GATB: variants seen among roughly 807,000 people sequenced by gnomAD.
GATB encodes the protein glutamyl-tRNA amidotransferase subunit B, also known as glutamyl-tRNA(Gln) amidotransferase subunit B, mitochondrial.
In GATB, 39 loss-of-function variants were observed where a neutral mutation model predicts 62.3. The ratio of observed to expected loss-of-function variants is 0.63; its 90% CI spans 0.48 to 0.82. The LOEUF (loss-of-function observed/expected upper bound fraction) is 0.82, where lower values mean the gene tolerates loss of function less well. GATB is among the 40% of genes least tolerant of loss of function. GATB has a pLI of 0.00. For missense variants in GATB, 670 were observed against 684.0 expected, an observed-to-expected ratio of 0.98 and a Z score of 0.23; for synonymous variants, 276 against 258.9, an observed-to-expected ratio of 1.07 and a Z score of -0.63.
intron 9 of GATB, among the ~76,000 whole-genome samples, chr4:151,689,139 A>T (rs1738312357): frequency 6.6e-6 from 1 of 152,192 alleles, no homozygotes; most frequent in Non-Finnish European, 1.5e-5. Context: ...GCCTGACTTT[A>T]ATGCCCCTGT....
chr4:151,711,807 T>C (rs1261628741), intron 5 of GATB, among the ~76,000 whole-genome samples: 1 of 152,186 alleles, frequency 6.6e-6, no homozygotes, highest in African/African-American at 2.4e-5. Flanking sequence ...ATAAATGAAA[T>C]CTTATTGAGC....
intron 2 of GATB, chr4:151,720,197 GA>G (rs1739000250): frequency 6.6e-6 from 1 of 152,240 alleles, no homozygotes; most frequent in Non-Finnish European, 1.5e-5. Flanking sequence ...CCACTTACAG[GA>G]GTGAATGACC....
intron 10 of GATB, among the ~76,000 whole-genome samples, chr4:151,684,661 T>C (rs527635734): frequency 9.2e-5 from 14 of 152,350 alleles, no homozygotes; most frequent in African/African-American, 3.4e-4. Flanking sequence ...TTCTTTGAAC[T>C]GTGTAGGAAA....
intron 2 of GATB, among the ~76,000 whole-genome samples, chr4:151,738,804 G>A (rs114869969): frequency 0.013 from 1,926 of 152,260 alleles, 38 homozygotes; most frequent in African/African-American, 0.044. Flanking sequence ...ATGTTTTGTC[G>A]GAAATGAACA....
chr4:151,750,105 T>A (rs1440006444), intron 2 of GATB, among the ~76,000 whole-genome samples: 1 of 152,148 alleles, frequency 6.6e-6, no homozygotes, highest in South Asian at 2.1e-4. Context: ...ATGGTCTCAA[T>A]CTCCTGACCT....
At chr4:151,707,289 T>A (rs1452547576) in intron 6 of GATB, among the ~76,000 whole-genome samples, 2 of 152,098 alleles carry the variant, frequency 1.3e-5, no homozygotes, top group Non-Finnish European at 2.9e-5. Flanking sequence ...TTGAATTCAA[T>A]GTAATTTTCT....
At chr4:151,717,279 C>T in intron 3 of GATB, 2 of 576,644 alleles carry the variant, frequency 3.5e-6, no homozygotes, top group Non-Finnish European at 6.2e-6. Flanking sequence ...ATCACCCCTT[C>T]ACCCTCCCCA....
At chr4:151,703,546 C>A in intron 8 of GATB, 2 of 438,602 alleles carry the variant, frequency 4.6e-6, no homozygotes, top group South Asian at 2.5e-5. Flanking sequence ...CAGCCTAGGC[C>A]CCAACCTCTA....
chr4:151,688,799 T>C (rs1738305876), intron 9 of GATB, 36 bp from the exon 10 acceptor site: 8 of 1,557,092 alleles, frequency 5.1e-6, no homozygotes, highest in Non-Finnish European at 6.9e-6. Context: ...ACATAAAGCC[T>C]CCCCAAAAAT....
intron 10 of GATB, among the ~76,000 whole-genome samples, chr4:151,684,563 C>T (rs559320378): frequency 6.6e-6 from 1 of 152,222 alleles, no homozygotes; most frequent in Non-Finnish European, 1.5e-5. Flanking sequence ...CCCTTCTAAG[C>T]TCTGGAAACA....
At chr4:151,744,263 C>T (rs1283094910) in intron 2 of GATB, among the ~76,000 whole-genome samples, 4 of 152,128 alleles carry the variant, frequency 2.6e-5, no homozygotes, top group East Asian at 1.9e-4. Flanking sequence ...CGTGTATGTA[C>T]GTGTATGCAA....
At chr4:151,690,197 T>A (rs1738335071) in intron 9 of GATB, among the ~76,000 whole-genome samples, 1 of 152,216 alleles carries the variant, frequency 6.6e-6, no homozygotes, top group South Asian at 2.1e-4. Context: ...TTGCAGCTGC[T>A]GGAATACACA....
chr4:151,701,579 AC>A, intron 8 of GATB, 61 bp from the exon 9 acceptor site: 1 of 1,186,452 alleles, frequency 8.4e-7, no homozygotes, highest in Non-Finnish European at 1.1e-6. Context: ...AGAAAACAAA[AC>A]CTCCCCCAGT....
At chr4:151,690,722 G>A (rs146481592) in intron 9 of GATB, among the ~76,000 whole-genome samples, 1 of 152,284 alleles carries the variant, frequency 6.6e-6, no homozygotes, top group African/African-American at 2.4e-5. Flanking sequence ...TTTATTGGAT[G>A]GATAACACGG....
intron 6 of GATB, among the ~76,000 whole-genome samples, chr4:151,707,481 A>G (rs1738736936): frequency 6.6e-6 from 1 of 152,012 alleles, no homozygotes; most frequent in Non-Finnish European, 1.5e-5. Context: ...TTTTATAGAG[A>G]TGGGGTCTTG....
intron 7 of GATB, 87 bp downstream of exon 7, chr4:151,705,098 C>G: frequency 1.2e-6 from 1 of 863,314 alleles, no homozygotes; most frequent in African/African-American, 1.7e-5. Flanking sequence ...GTGCCTCCTT[C>G]AAGGTCACAT....
intron 2 of GATB, among the ~76,000 whole-genome samples, chr4:151,739,895 T>C (rs1346727695): frequency 6.6e-6 from 1 of 152,212 alleles, no homozygotes; most frequent in Admixed American, 6.5e-5. Context: ...GCATGAGTTC[T>C]TCCTAATCAA....
intron 10 of GATB, among the ~76,000 whole-genome samples, chr4:151,683,166 C>T (rs1738176687): frequency 1.4e-5 from 2 of 145,304 alleles, no homozygotes; most frequent in African/African-American, 5.4e-5. Context: ...GCTGACCTTG[C>T]AGTCACTTGC....
intron 2 of GATB, among the ~76,000 whole-genome samples, chr4:151,749,786 T>C (rs1739676520): frequency 6.6e-6 from 1 of 152,156 alleles, no homozygotes. Flanking sequence ...GGGCTCTTTC[T>C]CCACAGCTCT....
Sources: allele counts gnomAD v4.1 joint callset (sites outside exome capture counted in the v4.1 genomes callset), GRCh38; gene constraint gnomAD v4.1.1; transcripts MANE v1.5; gene names NCBI Gene and HGNC (gene_info 2026-07-23, HGNC 2026-07-21).